Variants in ST6GAL2 observed in about 807,000 individuals in gnomAD.
The protein encoded by ST6GAL2 is ST6 beta-galactoside alpha-2,6-sialyltransferase 2.
In ST6GAL2, 24 loss-of-function variants were observed where a neutral mutation model predicts 37.5. That is an observed-to-expected ratio of 0.64 (90% confidence interval 0.46 to 0.90). The LOEUF (loss-of-function observed/expected upper bound fraction) is 0.90, where lower values mean the gene tolerates loss of function less well. Among genes scored for constraint, ST6GAL2 ranks in the 40% least tolerant of loss-of-function variants. The pLI, the probability that ST6GAL2 is intolerant of heterozygous loss-of-function variation, is 0.00. For synonymous variants in ST6GAL2, 306 were observed against 295.1 expected (o/e 1.04, Z -0.38); for missense variants, 715 against 712.7 (o/e 1.00, Z -0.04).
chr2:106,825,226 C>T (rs745447298), intron 5 of ST6GAL2, among the ~76,000 whole-genome samples: 16 of 152,190 alleles, frequency 1.1e-4, no homozygotes, highest in Non-Finnish European at 2.1e-4. Context: ...AAACATTGGG[C>T]CTTCCTCCTT....
intron 5 of ST6GAL2, among the ~76,000 whole-genome samples, chr2:106,812,224 G>C (rs1047155716): frequency 2.6e-5 from 4 of 152,188 alleles, no homozygotes; most frequent in African/African-American, 7.2e-5. Context: ...CTCTGAATCA[G>C]GAAGAGAGGC....
intron 1 of ST6GAL2, among the ~76,000 whole-genome samples, chr2:106,849,305 T>A (rs1296662917): frequency 1.3e-5 from 2 of 152,016 alleles, no homozygotes; most frequent in African/African-American, 2.4e-5. Context: ...CAGTCATGAC[T>A]GGAAGGGAGG....
chr2:106,868,424 T>C (rs1344349152), intron 1 of ST6GAL2, among the ~76,000 whole-genome samples: 1 of 152,196 alleles, frequency 6.6e-6, no homozygotes, highest in Non-Finnish European at 1.5e-5. Context: ...GCACCGCGCA[T>C]CTCAGTGCCA....
chr2:106,810,327 T>G (rs1675558215), intron 5 of ST6GAL2, among the ~76,000 whole-genome samples: 1 of 152,250 alleles, frequency 6.6e-6, no homozygotes, highest in African/African-American at 2.4e-5. Flanking sequence ...TTCTTCAGCT[T>G]CAGAAATAGA....
In ST6GAL2 at chr2:106,805,304, T is replaced by C. The variant is rs764031957; in HGVS notation, c.*1374A>G. 2.6e-5 allele frequency: 4 copies of C among 152,222 alleles called. No individual in the cohort carries two copies. The highest frequency in any genetic ancestry group is 4.8e-5 in the African/African-American group (2 of 41,468). 9.4% of individuals were successfully genotyped at this position (152,222 alleles called of 1,614,324 possible). ...CATGGAGATATGTTTTGGTTATACA[T>C]TGAAATAATAGCATGTTTAATTAAG... is the stretch of plus-strand genomic sequence containing the variant. On this transcript the variant is annotated 3_prime_UTR_variant, in exon 6 of 6. Transcript: ENST00000409382.
chr2:106,836,773 C>CAAAAAAGA (rs1676658495), intron 2 of ST6GAL2, among the ~76,000 whole-genome samples: 1 of 70,262 alleles, frequency 1.4e-5, no homozygotes, highest in Non-Finnish European at 2.6e-5. Flanking sequence ...ACTAAAAATA[C>CAAAAAAGA]AAAAAAAAAA....
At chr2:106,864,673 A>G (rs1026245040) in intron 1 of ST6GAL2, among the ~76,000 whole-genome samples, 4 of 152,208 alleles carry the variant, frequency 2.6e-5, no homozygotes, top group Non-Finnish European at 5.9e-5. Flanking sequence ...GACAGATGTA[A>G]TATCATACAA....
intron 1 of ST6GAL2, among the ~76,000 whole-genome samples, chr2:106,879,462 A>G (rs1460556892): frequency 6.6e-6 from 1 of 152,146 alleles, no homozygotes. Flanking sequence ...CATGAATGTT[A>G]TTCTAACATA....
At chr2:106,840,603 A>G (rs1676837356) in intron 2 of ST6GAL2, among the ~76,000 whole-genome samples, 1 of 152,216 alleles carries the variant, frequency 6.6e-6, no homozygotes, top group African/African-American at 2.4e-5. Context: ...CTACAGTTCT[A>G]ATCATAAAGG....
intron 5 of ST6GAL2, among the ~76,000 whole-genome samples, chr2:106,810,290 T>C (rs1558673926): frequency 6.6e-6 from 1 of 152,250 alleles, no homozygotes; most frequent in Non-Finnish European, 1.5e-5. Context: ...TATTTTCTTA[T>C]ATAAGTACTC....
chr2:106,857,153 C>T (rs1677605731), intron 1 of ST6GAL2, among the ~76,000 whole-genome samples: 1 of 152,130 alleles, frequency 6.6e-6, no homozygotes, highest in Non-Finnish European at 1.5e-5. Flanking sequence ...AATTTTAAGA[C>T]CTTATTCAAA....
At chr2:106,821,808 T>C (rs1676014018) in intron 5 of ST6GAL2, among the ~76,000 whole-genome samples, 1 of 152,202 alleles carries the variant, frequency 6.6e-6, no homozygotes, top group African/African-American at 2.4e-5. Context: ...TAAAAAACCA[T>C]TCATCACAAC....
chr2:106,870,372 C>T (rs1179265902), intron 1 of ST6GAL2, among the ~76,000 whole-genome samples: 1 of 152,132 alleles, frequency 6.6e-6, no homozygotes, highest in Admixed American at 6.5e-5. Context: ...CTCGGATAGT[C>T]ATGAAATGTA....
At position 106,801,935 on chromosome 2, in the gene ST6GAL2, T is replaced by A. The variant is rs1675274376; in HGVS notation, c.*4743A>T. On this transcript the variant is annotated 3_prime_UTR_variant, in exon 6 of 6. Coordinates refer to ENST00000409382, the MANE Select transcript of ST6GAL2 (RefSeq NM_001142351.2). ...CAATGCAATTTCTTTGTTTCCAATC[T>A]ACCTAGCAAGAAGACTATTTTCCAT... is the stretch of plus-strand genomic sequence containing the variant. 6.6e-6 allele frequency: 1 copy of A among 152,114 alleles called. No individual in the cohort carries two copies. Among genetic ancestry groups the A allele is most frequent in the Non-Finnish European group, 1.5e-5 (1 of 68,016 alleles). 9.4% of individuals were successfully genotyped at this position (152,114 alleles called of 1,614,324 possible). A position where few individuals can be genotyped will look rare whatever the true frequency, so the allele number is the denominator to read the frequency against.
intron 1 of ST6GAL2, among the ~76,000 whole-genome samples, chr2:106,864,526 C>T (rs116631375): frequency 0.044 from 6,632 of 152,208 alleles, 402 homozygotes; most frequent in Non-Finnish European, 0.048. Flanking sequence ...ATTTCCCATT[C>T]GAGAAGGCAA....
chr2:106,809,555 C>A (rs1193947099), intron 5 of ST6GAL2, among the ~76,000 whole-genome samples: 2 of 152,154 alleles, frequency 1.3e-5, no homozygotes, highest in Non-Finnish European at 1.5e-5. Context: ...GCAGTTGGTC[C>A]TCCCCATAAA....
chr2:106,856,611 C>A (rs774403343), intron 1 of ST6GAL2, among the ~76,000 whole-genome samples: 3 of 152,156 alleles, frequency 2.0e-5, no homozygotes, highest in African/African-American at 7.2e-5. Flanking sequence ...TCCTTCACAT[C>A]CTATGATTGA....
intron 1 of ST6GAL2, among the ~76,000 whole-genome samples, chr2:106,879,826 G>T (rs28461418): frequency 4.1e-5 from 6 of 146,288 alleles, no homozygotes; most frequent in African/African-American, 1.5e-4. Flanking sequence ...ATTATATATA[G>T]ATAATTAATC....
chr2:106,857,478 C>A (rs191824970), intron 1 of ST6GAL2, among the ~76,000 whole-genome samples: 104 of 152,160 alleles, frequency 6.8e-4, no homozygotes, highest in Middle Eastern at 6.8e-3. Context: ...GTGGCAGATG[C>A]CTGTAATCTC....
Sources: allele counts gnomAD v4.1 joint callset (sites outside exome capture counted in the v4.1 genomes callset), GRCh38; gene constraint gnomAD v4.1.1; transcripts MANE v1.5; gene names NCBI Gene and HGNC (gene_info 2026-07-23, HGNC 2026-07-21).